Variants in ADAMTSL3 observed in about 807,000 individuals in gnomAD.
The protein encoded by ADAMTSL3 is ADAMTS like 3.
Under a neutral mutation model 201.7 loss-of-function variants are expected in ADAMTSL3, and 128 were observed. The ratio of observed to expected loss-of-function variants is 0.63; its 90% CI spans 0.55 to 0.73. ADAMTSL3 has a LOEUF of 0.73. Among genes scored for constraint, ADAMTSL3 ranks in the 30% least tolerant of loss-of-function variants. The pLI is 0.00. For synonymous variants in ADAMTSL3, 738 were observed against 748.4 expected (o/e 0.99, Z 0.23); for missense variants, 1,990 against 2,119.6 (o/e 0.94, Z 1.20).
intron 17 of ADAMTSL3, among the ~76,000 whole-genome samples, chr15:83,932,541 C>T (rs902123053): frequency 1.3e-5 from 2 of 152,134 alleles, no homozygotes; most frequent in Non-Finnish European, 2.9e-5. Flanking sequence ...AAATGAAATC[C>T]ATCCTGTAAA....
chr15:83,790,606 T>C (rs2063329602), intron 4 of ADAMTSL3, among the ~76,000 whole-genome samples: 1 of 152,056 alleles, frequency 6.6e-6, no homozygotes. Flanking sequence ...TAACTAATAT[T>C]GTATATTATA....
At position 83,982,851 on chromosome 15, in the gene ADAMTSL3, T is replaced by C. The variant is rs1445886973; in HGVS notation, c.3223T>C (p.Leu1075=). Residue 1075 remains leucine, a synonymous_variant, in exon 21 of 30, where the codon TTG becomes CTG. Transcript: ENST00000286744. The part of the protein sequence containing the change: ...NSAGSTNSWE[L]KNKQFEAAVK... ...TGCAGGAAGCACCAACTCCTGGGAGTTGAAGAATAAGCAGTTTGAAGCAGC... is the reference window on the plus strand; with the variant it reads ...TGCAGGAAGCACCAACTCCTGGGAGCTGAAGAATAAGCAGTTTGAAGCAGC... The C allele has an allele frequency of 6.2e-7, 1 of 1,613,714 alleles. No individual in the cohort carries two copies. The highest frequency in any genetic ancestry group is 1.3e-5 in the African/African-American group (1 of 74,824).
At chr15:83,923,828 C>G (rs1221743346) in intron 16 of ADAMTSL3, 76 bp from the exon 17 acceptor site, 1 of 1,548,378 alleles carries the variant, frequency 6.5e-7, no homozygotes, top group Non-Finnish European at 8.8e-7. Flanking sequence ...AATGAGAAGA[C>G]CTAAGACTCT....
intron 2 of ADAMTSL3, among the ~76,000 whole-genome samples, chr15:83,665,190 A>C (rs1358904885): frequency 6.6e-6 from 1 of 152,192 alleles, no homozygotes; most frequent in East Asian, 1.9e-4. Context: ...AAGGAGTGGA[A>C]CTTGGTAAGT....
At chr15:84,026,394 T>C (rs1435377439) in intron 27 of ADAMTSL3, among the ~76,000 whole-genome samples, 1 of 152,202 alleles carries the variant, frequency 6.6e-6, no homozygotes, top group Non-Finnish European at 1.5e-5. Flanking sequence ...ATCTACAAAT[T>C]CAATGTGATC....
At chr15:83,936,184 T>C (rs2066457030) in intron 17 of ADAMTSL3, among the ~76,000 whole-genome samples, 1 of 152,010 alleles carries the variant, frequency 6.6e-6, no homozygotes, top group East Asian at 1.9e-4. Context: ...CAAAACCTTG[T>C]AAAACTCAGA....
At chr15:83,748,520 A>G (rs1181338001) in intron 3 of ADAMTSL3, among the ~76,000 whole-genome samples, 1 of 151,894 alleles carries the variant, frequency 6.6e-6, no homozygotes, top group African/African-American at 2.4e-5. Context: ...GCATGGTGGT[A>G]TGCACTTGTA....
intron 3 of ADAMTSL3, among the ~76,000 whole-genome samples, chr15:83,712,058 C>G (rs938190020): frequency 2.6e-5 from 4 of 152,174 alleles, no homozygotes; most frequent in Admixed American, 6.5e-5. Context: ...ATCATCCTTT[C>G]TCTTTGAGAT....
At position 84,025,298 on chromosome 15, in the gene ADAMTSL3, G is replaced by C; in HGVS notation, c.4518G>C (p.Arg1506=). 6.2e-7 allele frequency: 1 copy of C among 1,614,064 alleles called. No individual in the cohort carries two copies. The highest frequency in any genetic ancestry group is 1.6e-4 in the Middle Eastern group (1 of 6,062). Residue 1506 remains arginine (R), a synonymous_variant, in exon 27 of 30, where the codon CGG becomes CGC. Transcript: ENST00000286744. ...CTTGCGGTGAAGGATACCACAGTCG[G>C]CAGGTGACGTGCAAGCGGACAAAAG... The part of the protein sequence containing the change: ...SVSCGEGYHS[R]QVTCKRTKAN...
At chr15:83,885,056 T>C in intron 9 of ADAMTSL3, 45 bp from the exon 10 acceptor site, 1 of 1,328,294 alleles carries the variant, frequency 7.5e-7, no homozygotes, top group Non-Finnish European at 1.1e-6. Flanking sequence ...TGGAAAGCAC[T>C]AGCTCCTTGT....
At chr15:83,984,316 A>G (rs1399866758) in intron 21 of ADAMTSL3, among the ~76,000 whole-genome samples, 1 of 152,204 alleles carries the variant, frequency 6.6e-6, no homozygotes, top group Non-Finnish European at 1.5e-5. Context: ...TACTTTTATC[A>G]TGTCCTTTGT....
intron 22 of ADAMTSL3, 98 bp downstream of exon 22, chr15:83,988,916 C>T (rs1596503968): frequency 6.6e-6 from 5 of 756,808 alleles, no homozygotes; most frequent in Non-Finnish European, 8.2e-6. Context: ...GAGTCTCGCT[C>T]TGTCGCCCAG....
intron 10 of ADAMTSL3, among the ~76,000 whole-genome samples, chr15:83,889,238 G>A (rs887951979): frequency 1.3e-5 from 2 of 152,182 alleles, no homozygotes; most frequent in African/African-American, 4.8e-5. Flanking sequence ...GGGCTGGGGA[G>A]TGACATACGG....
chr15:83,823,883 CTTCTTCTTCCTCTT>C (rs2063937841), intron 6 of ADAMTSL3, among the ~76,000 whole-genome samples: 3 of 108,488 alleles, frequency 2.8e-5, no homozygotes, highest in Admixed American at 1.0e-4. Context: ...CCATTTCCTT[CTTCTTCTTCCTCTT>C]CTTCTTCTTC....
intron 15 of ADAMTSL3, among the ~76,000 whole-genome samples, chr15:83,903,696 T>G (rs1378943877): frequency 6.6e-6 from 1 of 151,678 alleles, no homozygotes; most frequent in Non-Finnish European, 1.5e-5. Context: ...GGTGGGTGTA[T>G]CACTTGAACT....
rs138526789 is a variant in ADAMTSL3, at chr15:83,958,858, G to C, written c.2491-11626G>C. Among the ~76,000 whole-genome samples the C allele has an allele frequency of 5.8e-4, 89 of 152,190 alleles. 1 individual carries two copies. The East Asian group carries it at 0.014, about 24-fold the overall frequency. ...CTAAGGGTAAATTTCTCAGAATGTAGACTAAACACTAGAAGAAACTCAAGA... is the reference window on the plus strand; with the variant it reads ...CTAAGGGTAAATTTCTCAGAATGTACACTAAACACTAGAAGAAACTCAAGA... On this transcript the variant is annotated intron_variant, in intron 19 of 29. Coordinates refer to ENST00000286744, the MANE Select transcript of ADAMTSL3 (RefSeq NM_207517.3).
chr15:83,753,638 A>G (rs1032450449), intron 3 of ADAMTSL3, among the ~76,000 whole-genome samples: 3 of 152,132 alleles, frequency 2.0e-5, no homozygotes, highest in Non-Finnish European at 2.9e-5. Context: ...AAAACTTGAT[A>G]TCATTAAACT....
chr15:83,936,522 A>G (rs1036576048), intron 17 of ADAMTSL3, among the ~76,000 whole-genome samples: 1 of 151,004 alleles, frequency 6.6e-6, no homozygotes, highest in African/African-American at 2.5e-5. Flanking sequence ...ACAACTGTAG[A>G]CTTTTGTTAT....
intron 2 of ADAMTSL3, among the ~76,000 whole-genome samples, chr15:83,686,001 C>T (rs556805870): frequency 2.4e-5 from 1 of 40,820 alleles, no homozygotes; most frequent in African/African-American, 2.5e-4. Flanking sequence ...GCAGCTAGCT[C>T]GTCCTCCCTC....
Sources: gnomAD v4.1 joint callset for allele counts (sites outside exome capture counted in the v4.1 genomes callset) on GRCh38, gnomAD v4.1.1 for gene constraint, MANE v1.5 for transcripts, NCBI Gene and HGNC (gene_info 2026-07-23, HGNC 2026-07-21) for gene names.